IGF2BP3: variants seen among roughly 807,000 people sequenced by gnomAD.
IGF2BP3 encodes the protein insulin like growth factor 2 mRNA binding protein 3, also known as insulin-like growth factor 2 mRNA-binding protein 3.
In IGF2BP3, 9 loss-of-function variants were observed where a neutral mutation model predicts 73.8. The ratio of observed to expected loss-of-function variants is 0.12; its 90% confidence interval spans 0.07 to 0.21. The LOEUF is 0.21. Ranked by LOEUF, IGF2BP3 falls within the 10% of genes least tolerant of loss-of-function variation. The pLI is 1.00. For synonymous variants in IGF2BP3, 258 were observed against 256.7 expected, an observed-to-expected ratio of 1.01 and a Z score of -0.05; for missense variants, 542 against 714.0, an observed-to-expected ratio of 0.76 and a Z score of 2.75.
intron 3 of IGF2BP3, among the ~76,000 whole-genome samples, chr7:23,410,236 A>G (rs1390263481): frequency 2.6e-5 from 4 of 152,100 alleles, no homozygotes; most frequent in Admixed American, 2.0e-4. Flanking sequence ...ATGCACCTGT[A>G]GTCCCAGCTA....
At chr7:23,317,841 G>C (rs564834061) in intron 11 of IGF2BP3, 128 bp from the exon 12 acceptor site, 2 of 726,832 alleles carry the variant, frequency 2.8e-6, no homozygotes, top group South Asian at 3.2e-5. Context: ...AAGGAAATTA[G>C]GGAGAGGCAG....
rs1788691076 is a variant in IGF2BP3, at chr7:23,470,426, C to T, written c.-316G>A. 5.6e-6 allele frequency: 1 copy of T among 177,838 alleles called. No homozygotes were observed. Among genetic ancestry groups the T allele is most frequent in the Non-Finnish European group, 1.2e-5 (1 of 85,324 alleles). The allele number at this position is 177,838 out of a possible 1,614,324, so 11.0% of individuals were successfully genotyped here. ...AAAGGAGGAGGAGGAGGGGAAAAAA[C>T]TACTTTTTGTCTCTTCCTTCCCAAC... On this transcript the variant is annotated 5_prime_UTR_variant, in exon 1 of 15. Coordinates refer to ENST00000258729, the MANE Select transcript of IGF2BP3 (RefSeq NM_006547.3).
At chr7:23,452,065 C>A (rs892796744) in intron 2 of IGF2BP3, among the ~76,000 whole-genome samples, 3 of 150,116 alleles carry the variant, frequency 2.0e-5, no homozygotes. Flanking sequence ...AGCACAGTGG[C>A]GTGATATCAG....
At chr7:23,358,754 A>G (rs1241880548) in intron 5 of IGF2BP3, among the ~76,000 whole-genome samples, 1 of 152,188 alleles carries the variant, frequency 6.6e-6, no homozygotes, top group East Asian at 1.9e-4. Context: ...GAAAACTGAT[A>G]ATTTTTTTAC....
At chr7:23,433,323 C>T (rs1258710709) in intron 2 of IGF2BP3, among the ~76,000 whole-genome samples, 1 of 152,086 alleles carries the variant, frequency 6.6e-6, no homozygotes, top group African/African-American at 2.4e-5. Context: ...AGCCACTAGC[C>T]ACATGTGTCT....
chr7:23,382,288 A>T (rs115253685), intron 3 of IGF2BP3, among the ~76,000 whole-genome samples: 115 of 152,292 alleles, frequency 7.6e-4, no homozygotes, highest in African/African-American at 2.7e-3. Flanking sequence ...GGCACTACAC[A>T]GGTTATTATC....
chr7:23,363,387 A>G (rs1465497706), intron 3 of IGF2BP3, among the ~76,000 whole-genome samples: 1 of 151,880 alleles, frequency 6.6e-6, no homozygotes, highest in African/African-American at 2.4e-5. Context: ...CTGGCACTAC[A>G]GGTGCATGCC....
At chr7:23,403,241 T>C (rs1004690445) in intron 3 of IGF2BP3, among the ~76,000 whole-genome samples, 39 of 152,332 alleles carry the variant, frequency 2.6e-4, no homozygotes, top group African/African-American at 8.7e-4. Flanking sequence ...CAACTTTGCA[T>C]TGCCTGTATA....
chr7:23,366,775 G>T (rs1365691260), intron 3 of IGF2BP3, among the ~76,000 whole-genome samples: 1 of 152,026 alleles, frequency 6.6e-6, no homozygotes, highest in Non-Finnish European at 1.5e-5. Flanking sequence ...GGAAAGGGCT[G>T]TCAATAGCCT....
At chr7:23,370,875 TG>T (rs1785522181) in intron 3 of IGF2BP3, among the ~76,000 whole-genome samples, 3 of 151,722 alleles carry the variant, frequency 2.0e-5, no homozygotes, top group African/African-American at 7.3e-5. Flanking sequence ...GACAGAGTTT[TG>T]CCATGTTGGC....
chr7:23,409,738 AAAT>A (rs1179983916), intron 3 of IGF2BP3, among the ~76,000 whole-genome samples: 1 of 151,824 alleles, frequency 6.6e-6, no homozygotes, highest in African/African-American at 2.4e-5. Context: ...AATTAACTCA[AAAT>A]GCACCATAGG....
At chr7:23,325,263 T>C (rs1784262434) in intron 10 of IGF2BP3, among the ~76,000 whole-genome samples, 1 of 152,112 alleles carries the variant, frequency 6.6e-6, no homozygotes, top group Non-Finnish European at 1.5e-5. Flanking sequence ...TCACAAGCAT[T>C]CTTATACATC....
chr7:23,415,785 C>G (rs1351021740), intron 3 of IGF2BP3, among the ~76,000 whole-genome samples: 1 of 152,214 alleles, frequency 6.6e-6, no homozygotes. Context: ...CCTTCCAACC[C>G]TCAGGCCGTG....
At chr7:23,460,897 G>A (rs1230049369) in intron 2 of IGF2BP3, among the ~76,000 whole-genome samples, 1 of 152,178 alleles carries the variant, frequency 6.6e-6, no homozygotes, top group Non-Finnish European at 1.5e-5. Flanking sequence ...GCTGCAGTGA[G>A]CCAAGATCGC....
At chr7:23,447,678 A>G (rs1302689964) in intron 2 of IGF2BP3, among the ~76,000 whole-genome samples, 1 of 152,048 alleles carries the variant, frequency 6.6e-6, no homozygotes, top group Non-Finnish European at 1.5e-5. Flanking sequence ...CCCAGATTAA[A>G]AGAGACCAAA....
intron 3 of IGF2BP3, among the ~76,000 whole-genome samples, chr7:23,381,685 C>T (rs1020931909): frequency 9.2e-5 from 14 of 152,046 alleles, no homozygotes; most frequent in African/African-American, 1.9e-4. Flanking sequence ...TCTCCTGCCT[C>T]GGTCTCCTGA....
chr7:23,403,973 ATT>A lies in IGF2BP3; in HGVS notation c.285+14801_285+14802del, dbSNP rs545158459. Among the ~76,000 whole-genome samples the A allele has an allele frequency of 2.6e-3, 386 of 146,894 alleles. 2 individuals are homozygous for A. Among genetic ancestry groups the A allele is most frequent in the African/African-American group, 9.2e-3 (368 of 40,158 alleles). On this transcript the variant is annotated intron_variant, in intron 3 of 14. Coordinates refer to ENST00000258729, the MANE Select transcript of IGF2BP3 (RefSeq NM_006547.3). ...CCCTGTTTGTAAAACAAAAAAAAAAATTTTTTTTTTTTTAAATTAATGGGGCA... is the reference window on the plus strand; with the variant it reads ...CCCTGTTTGTAAAACAAAAAAAAAAATTTTTTTTTTTAAATTAATGGGGCA...
At chr7:23,332,413 T>C (rs896087177) in intron 10 of IGF2BP3, among the ~76,000 whole-genome samples, 11 of 152,242 alleles carry the variant, frequency 7.2e-5, no homozygotes, top group African/African-American at 2.7e-4. Flanking sequence ...TCTAGGATAA[T>C]GTAACACACT....
At chr7:23,387,917 A>G (rs1453674736) in intron 3 of IGF2BP3, among the ~76,000 whole-genome samples, 1 of 152,108 alleles carries the variant, frequency 6.6e-6, no homozygotes, top group Non-Finnish European at 1.5e-5. Context: ...TGGCACAACT[A>G]CTATGGAAAA....
Sources: gnomAD v4.1 joint callset for allele counts (sites outside exome capture counted in the v4.1 genomes callset) on GRCh38, gnomAD v4.1.1 for gene constraint, MANE v1.5 for transcripts, NCBI Gene and HGNC (gene_info 2026-07-23, HGNC 2026-07-21) for gene names.